GPHN: variants seen among roughly 807,000 people sequenced by gnomAD.
GPHN encodes the protein gephyrin.
Under a neutral mutation model 95.5 loss-of-function variants are expected in GPHN, and 17 were observed. That is an observed-to-expected ratio of 0.18 (90% confidence interval 0.12 to 0.27). The LOEUF (loss-of-function observed/expected upper bound fraction) is 0.27, where lower values mean the gene tolerates loss of function less well. Ranked by LOEUF, GPHN falls within the 10% of genes least tolerant of loss-of-function variation. GPHN has a pLI of 1.00. For synonymous variants in GPHN, 320 were observed against 322.5 expected, an observed-to-expected ratio of 0.99 and a Z score of 0.08; for missense variants, 660 against 978.1, an observed-to-expected ratio of 0.67 and a Z score of 4.34.
At chr14:67,592,306 G>A in the GPHN span, 3 of 430,402 alleles carry the variant, frequency 7.0e-6, no homozygotes, top group Non-Finnish European at 8.7e-6. Context: ...CAGGCGAGAT[G>A]GTGCACACCT....
chr14:67,226,055 G>A, the GPHN span, among the ~76,000 whole-genome samples: 23,772 of 152,010 alleles, frequency 0.16, 3,521 homozygotes, highest in East Asian at 0.42. Context: ...GGTGGCCTGG[G>A]CAGTAACCCC....
intron 3 of GPHN, among the ~76,000 whole-genome samples, chr14:66,822,289 C>T (rs973826277): frequency 6.6e-6 from 1 of 152,158 alleles, no homozygotes; most frequent in African/African-American, 2.4e-5. Context: ...TGGGCCTACC[C>T]AACTATCTGT....
At chr14:66,583,001 A>G (rs967662401) in intron 1 of GPHN, among the ~76,000 whole-genome samples, 37 of 152,276 alleles carry the variant, frequency 2.4e-4, no homozygotes, top group African/African-American at 8.7e-4. Context: ...AATCCCACCA[A>G]CAGTGTAAAA....
chr14:67,013,022 A>G (rs963534659), intron 9 of GPHN, among the ~76,000 whole-genome samples: 3 of 152,134 alleles, frequency 2.0e-5, no homozygotes, highest in Admixed American at 2.0e-4. Flanking sequence ...TACTATTAGA[A>G]TGTAAATTCC....
At chr14:67,554,044 C>T in the GPHN span, among the ~76,000 whole-genome samples, 7 of 152,136 alleles carry the variant, frequency 4.6e-5, no homozygotes, top group Non-Finnish European at 1.0e-4. Context: ...TTGGGATCTT[C>T]GGATGAGCAT....
intron 11 of GPHN, among the ~76,000 whole-genome samples, chr14:67,074,740 C>T (rs1425510501): frequency 6.6e-6 from 1 of 152,072 alleles, no homozygotes; most frequent in Non-Finnish European, 1.5e-5. Flanking sequence ...ATTAAAAGTG[C>T]AGTAGACCAA....
At chr14:67,014,182 A>G (rs1463207094) in intron 9 of GPHN, among the ~76,000 whole-genome samples, 2 of 152,160 alleles carry the variant, frequency 1.3e-5, no homozygotes, top group African/African-American at 4.8e-5. Flanking sequence ...ACAATATAGT[A>G]ATAGCTAACA....
intron 2 of GPHN, among the ~76,000 whole-genome samples, chr14:66,711,229 T>C (rs2069590621): frequency 6.6e-6 from 1 of 152,196 alleles, no homozygotes. Context: ...GTCTGTTGTA[T>C]CATTCTTATG....
chr14:67,628,521 G>A, the GPHN span, among the ~76,000 whole-genome samples: 6 of 152,316 alleles, frequency 3.9e-5, no homozygotes, highest in East Asian at 1.9e-4. Context: ...CAATGTAGCC[G>A]TATATTTCCC....
Position 66,733,968 on chromosome 14 carries a change from A to G in GPHN, c.144-42496A>G, listed in dbSNP as rs566369328. On this transcript the variant is annotated intron_variant, in intron 2 of 22. Coordinates refer to ENST00000478722, the MANE Select transcript of GPHN (RefSeq NM_020806.5). ...CCACCATCCCTCTTCAGTCTAGTCC[A>G]TTACCAAATCCCATTAGCTCCTTCT... 3.3e-5 allele frequency among the ~76,000 whole-genome samples: 5 copies of G among 152,224 alleles called. No individual in the cohort carries two copies. In the South Asian group the frequency reaches 1.0e-3, roughly 32 times the overall value.
intron 2 of GPHN, among the ~76,000 whole-genome samples, chr14:66,763,411 C>T: frequency 8.2e-6 from 1 of 121,666 alleles, no homozygotes; most frequent in Non-Finnish European, 1.6e-5. Context: ...CCACCACAGT[C>T]CCCAGAGTGT....
chr14:67,432,955 G>A, the GPHN span, among the ~76,000 whole-genome samples: 2 of 152,152 alleles, frequency 1.3e-5, no homozygotes, highest in African/African-American at 2.4e-5. Flanking sequence ...AAGTAATTAT[G>A]TCTGCAGAGA....
At chr14:66,869,965 G>T (rs2063368935) in intron 4 of GPHN, among the ~76,000 whole-genome samples, 1 of 152,008 alleles carries the variant, frequency 6.6e-6, no homozygotes, top group Non-Finnish European at 1.5e-5. Flanking sequence ...ACAAATATTT[G>T]TTGAGCACAT....
intron 8 of GPHN, among the ~76,000 whole-genome samples, chr14:66,929,928 G>A (rs1048237000): frequency 3.3e-5 from 5 of 151,774 alleles, no homozygotes; most frequent in Non-Finnish European, 5.9e-5. Context: ...AGCCAAGATG[G>A]TCTCGATCTC....
At chr14:67,301,543 TG>T in the GPHN span, 6 of 903,478 alleles carry the variant, frequency 6.6e-6, no homozygotes, top group South Asian at 1.2e-4. Flanking sequence ...ACTCCAGTAC[TG>T]GAAGAGATGT....
the GPHN span, chr14:67,727,215 C>G: frequency 1.9e-6 from 3 of 1,587,738 alleles, no homozygotes; most frequent in South Asian, 3.4e-5. Flanking sequence ...AGAGGAATAG[C>G]AAAAATGGTC....
At chr14:67,293,552 C>G in the GPHN span, among the ~76,000 whole-genome samples, 1 of 152,094 alleles carries the variant, frequency 6.6e-6, no homozygotes, top group South Asian at 2.1e-4. Flanking sequence ...AGATATTTTT[C>G]TCACTTGTCA....
chr14:67,000,473 A>G (rs1327397597), intron 9 of GPHN, among the ~76,000 whole-genome samples: 2 of 151,780 alleles, frequency 1.3e-5, no homozygotes, highest in Admixed American at 6.6e-5. Context: ...GTTCTACTAT[A>G]TAAAATCTCA....
At chr14:66,559,097 A>AT (rs1566602180) in intron 1 of GPHN, among the ~76,000 whole-genome samples, 1 of 152,166 alleles carries the variant, frequency 6.6e-6, no homozygotes, top group Non-Finnish European at 1.5e-5. Context: ...ATAGTATTCC[A>AT]TGGTGTATAT....
Sources: gnomAD v4.1 joint callset for allele counts (sites outside exome capture counted in the v4.1 genomes callset) on GRCh38, gnomAD v4.1.1 for gene constraint, MANE v1.5 for transcripts, NCBI Gene and HGNC (gene_info 2026-07-23, HGNC 2026-07-21) for gene names.